Variants in RGL1 observed in about 807,000 individuals in gnomAD.
The protein encoded by RGL1 is ral guanine nucleotide dissociation stimulator like 1, also known as ral guanine nucleotide dissociation stimulator-like 1.
Under a neutral mutation model 95.2 loss-of-function variants are expected in RGL1, and 24 were observed. The observed-to-expected ratio is 0.25, with a 90% CI of 0.18 to 0.35. The LOEUF (loss-of-function observed/expected upper bound fraction) is 0.35, where lower values mean the gene tolerates loss of function less well. Ranked by LOEUF, RGL1 falls within the 10% of genes least tolerant of loss-of-function variation. The probability of loss-of-function intolerance (pLI) is 1.00; values close to 1 mark genes in which losing one functional copy is unlikely to be tolerated. For missense variants in RGL1, 715 were observed against 936.3 expected (o/e 0.76, Z 3.08); for synonymous variants, 329 against 344.9 (o/e 0.95, Z 0.51).
At chr1:183,747,869 C>T (rs1307495649) in intron 2 of RGL1, among the ~76,000 whole-genome samples, 1 of 152,094 alleles carries the variant, frequency 6.6e-6, no homozygotes, top group South Asian at 2.1e-4. Context: ...AGGGAGGAGT[C>T]CCTCTTTTTC....
intron 15 of RGL1, among the ~76,000 whole-genome samples, chr1:183,913,477 G>A (rs1196227018): frequency 4.6e-5 from 7 of 151,952 alleles, no homozygotes; most frequent in Admixed American, 6.6e-5. Flanking sequence ...ATGAGCCACC[G>A]CACCCCACCA....
intron 7 of RGL1, 70 bp downstream of exon 7, chr1:183,885,008 A>G (rs1314902898): frequency 1.5e-6 from 2 of 1,344,238 alleles, no homozygotes; most frequent in African/African-American, 1.5e-5. Flanking sequence ...CTTCGTTTAA[A>G]TGGTTTAGCT....
intron 1 of RGL1, among the ~76,000 whole-genome samples, chr1:183,712,035 A>G (rs1655312501): frequency 6.6e-6 from 1 of 152,240 alleles, no homozygotes; most frequent in East Asian, 1.9e-4. Flanking sequence ...TCATGTAATT[A>G]AAATGAACAT....
At chr1:183,728,550 T>C (rs1656440414) in intron 1 of RGL1, among the ~76,000 whole-genome samples, 1 of 94,886 alleles carries the variant, frequency 1.1e-5, no homozygotes, top group African/African-American at 4.6e-5. Flanking sequence ...TGTTTATAGA[T>C]TGGAAGACCT....
intron 2 of RGL1, among the ~76,000 whole-genome samples, chr1:183,760,568 C>CA (rs58715145): frequency 0.034 from 1,741 of 50,648 alleles, 151 homozygotes; most frequent in African/African-American, 0.043. Flanking sequence ...CCAGTCTCTG[C>CA]AAAAAAAAAA....
chr1:183,737,081 G>T (rs997121209), intron 1 of RGL1, among the ~76,000 whole-genome samples: 3 of 152,098 alleles, frequency 2.0e-5, no homozygotes, highest in Non-Finnish European at 4.4e-5. Flanking sequence ...CAGCATGGAG[G>T]TTAATAAAAT....
chr1:183,815,295 G>A (rs1370706511), intron 2 of RGL1, among the ~76,000 whole-genome samples: 3 of 151,864 alleles, frequency 2.0e-5, no homozygotes, highest in Non-Finnish European at 4.4e-5. Flanking sequence ...AAATTAAATT[G>A]CAATACTTGA....
intron 2 of RGL1, among the ~76,000 whole-genome samples, chr1:183,809,512 T>G (rs1661560143): frequency 6.6e-6 from 1 of 152,198 alleles, no homozygotes; most frequent in South Asian, 2.1e-4. Context: ...AAACCAAATA[T>G]TATTGAAATA....
intron 1 of RGL1, among the ~76,000 whole-genome samples, chr1:183,691,471 C>T (rs1342228296): frequency 6.6e-6 from 1 of 152,116 alleles, no homozygotes; most frequent in Non-Finnish European, 1.5e-5. Flanking sequence ...TGTTTCCTGG[C>T]TTGTTCCAAA....
At chr1:183,790,810 G>A (rs1660407223) in intron 2 of RGL1, among the ~76,000 whole-genome samples, 1 of 151,970 alleles carries the variant, frequency 6.6e-6, no homozygotes. Flanking sequence ...ATGTTATTCT[G>A]GAAATAAGTC....
At chr1:183,830,289 C>T (rs959349763) in intron 2 of RGL1, among the ~76,000 whole-genome samples, 4 of 152,108 alleles carry the variant, frequency 2.6e-5, no homozygotes, top group Admixed American at 2.0e-4. Context: ...TTGTGTTCAA[C>T]GCTTAGAACC....
rs1319899152 is a variant in RGL1, at chr1:183,926,352, C to T, written c.*60C>T. On this transcript the variant is annotated 3_prime_UTR_variant, in exon 18 of 18. Coordinates refer to ENST00000360851, the MANE Select transcript of RGL1 (RefSeq NM_001297671.3). ...CAGAGTGGGGCTGAGAAACAGGCTGCGGTGATTGCAATTACCATCCGGTGT... is the reference window on the plus strand; with the variant it reads ...CAGAGTGGGGCTGAGAAACAGGCTGTGGTGATTGCAATTACCATCCGGTGT... 2.7e-5 allele frequency: 38 copies of T among 1,430,118 alleles called. No homozygotes were observed. Among genetic ancestry groups the T allele is most frequent in the South Asian group, 2.6e-4 (20 of 75,654 alleles). The allele number at this position is 1,430,118 out of a possible 1,614,324, so 88.6% of individuals were successfully genotyped here.
At chr1:183,640,470 A>C (rs1572208377) in intron 1 of RGL1, among the ~76,000 whole-genome samples, 1 of 152,104 alleles carries the variant, frequency 6.6e-6, no homozygotes, top group East Asian at 1.9e-4. Context: ...ACCTTTATTT[A>C]TATATTAGTA....
intron 15 of RGL1, among the ~76,000 whole-genome samples, chr1:183,914,543 G>T (rs991841130): frequency 1.3e-5 from 2 of 152,168 alleles, no homozygotes; most frequent in Non-Finnish European, 2.9e-5. Flanking sequence ...GCCTGTGACA[G>T]CCGCCTTCTC....
At chr1:183,679,959 A>G (rs1167723810) in intron 1 of RGL1, among the ~76,000 whole-genome samples, 1 of 152,190 alleles carries the variant, frequency 6.6e-6, no homozygotes, top group Admixed American at 6.5e-5. Context: ...CATTTCTCTA[A>G]TGACCAGTGA....
intron 2 of RGL1, among the ~76,000 whole-genome samples, chr1:183,827,377 G>A (rs533916155): frequency 1.3e-5 from 2 of 152,320 alleles, no homozygotes; most frequent in South Asian, 4.1e-4. Context: ...ACCCAAAGGT[G>A]TGGAGCTACA....
rs1656188245 is a variant in RGL1 at position 183,724,313 on chromosome 1, G to C, written c.-32-17813G>C. On this transcript the variant is annotated intron_variant, in intron 1 of 18. Transcript: ENST00000304685. The surrounding 1 kb of genome is among the most constrained non-coding windows in gnomAD (Gnocchi z 4.1). ...AGAGTAAAGGAGACTTCATCTTGCA[G>C]CTTAGGTACCAGCTCAGCCACAGCA... Among the ~76,000 whole-genome samples, 1 of 152,144 alleles carries C rather than the reference G, an allele frequency of 6.6e-6. No homozygotes were observed. Among genetic ancestry groups the C allele is most frequent in the African/African-American group, 2.4e-5 (1 of 41,432 alleles).
chr1:183,854,054 C>T (rs1400166828), intron 3 of RGL1, among the ~76,000 whole-genome samples: 4 of 152,154 alleles, frequency 2.6e-5, no homozygotes, highest in Non-Finnish European at 5.9e-5. Flanking sequence ...GACAAACCTG[C>T]CTTCTTCATG....
At chr1:183,829,230 T>G (rs1663087940) in intron 2 of RGL1, among the ~76,000 whole-genome samples, 1 of 152,046 alleles carries the variant, frequency 6.6e-6, no homozygotes, top group Admixed American at 6.5e-5. Flanking sequence ...GAGGATAGCT[T>G]GAGCCCATGA....
Sources: gnomAD v4.1 joint callset for allele counts (sites outside exome capture counted in the v4.1 genomes callset) on GRCh38, gnomAD v4.1.1 for gene constraint, Gnocchi (gnomAD v3.1) non-coding constraint, MANE v1.5 for transcripts, NCBI Gene and HGNC (gene_info 2026-07-23, HGNC 2026-07-21) for gene names.